The following CWC27 variants were observed in gnomAD, a reference collection of about 807,000 sequenced individuals.
CWC27 encodes the protein spliceosome-associated protein CWC27 homolog.
Under a neutral mutation model 63.6 loss-of-function variants are expected in CWC27, and 47 were observed. The ratio of observed to expected loss-of-function variants is 0.74; its 90% CI spans 0.58 to 0.94. The LOEUF is 0.94. Ranked by LOEUF, CWC27 falls within the 40% of genes least tolerant of loss-of-function variation. CWC27 has a pLI of 0.00. For synonymous variants in CWC27, 175 were observed against 179.8 expected (o/e 0.97, Z 0.22); for missense variants, 495 against 554.3 (o/e 0.89, Z 1.07).
chr5:64,932,736 A>G (rs540955114), intron 11 of CWC27, among the ~76,000 whole-genome samples: 1 of 152,256 alleles, frequency 6.6e-6, no homozygotes, highest in East Asian at 1.9e-4. Flanking sequence ...TTACTCTGTC[A>G]GTATTGCTAT....
chr5:64,916,650 A>G (rs1277801246), intron 11 of CWC27, among the ~76,000 whole-genome samples: 1 of 152,084 alleles, frequency 6.6e-6, no homozygotes, highest in Non-Finnish European at 1.5e-5. Context: ...CCAGAGACAG[A>G]TATTAATTGC....
chr5:64,840,382 AAAAAAAAAAAAAATATAT>A (rs1158436699), intron 10 of CWC27, among the ~76,000 whole-genome samples: 1 of 69,510 alleles, frequency 1.4e-5, no homozygotes, highest in African/African-American at 6.5e-5. Flanking sequence ...AAAAAAAAAA[AAAAAAAAAAAAAATATAT>A]ATATATATAT....
chr5:64,848,216 G>A (rs1746039648), intron 10 of CWC27, among the ~76,000 whole-genome samples: 1 of 152,084 alleles, frequency 6.6e-6, no homozygotes, highest in South Asian at 2.1e-4. Flanking sequence ...AAGATCATAA[G>A]AGACTATTAT....
intron 12 of CWC27, among the ~76,000 whole-genome samples, chr5:64,972,176 G>A (rs866944234): frequency 2.6e-5 from 4 of 152,268 alleles, no homozygotes; most frequent in South Asian, 2.1e-4. Context: ...CTTCCAGCCC[G>A]ACATCTCGCA....
At chr5:64,944,771 T>C (rs1748555364) in intron 11 of CWC27, among the ~76,000 whole-genome samples, 1 of 152,180 alleles carries the variant, frequency 6.6e-6, no homozygotes. Context: ...CGTTTCATAA[T>C]TGATCTCTTT....
chr5:64,787,510 T>G (rs1435046602), intron 6 of CWC27, among the ~76,000 whole-genome samples: 1 of 151,894 alleles, frequency 6.6e-6, no homozygotes, highest in Non-Finnish European at 1.5e-5. Flanking sequence ...CATTATGCAA[T>G]TTAACTTGTA....
chr5:64,906,175 A>T (rs1251527116), intron 11 of CWC27, among the ~76,000 whole-genome samples: 1 of 152,160 alleles, frequency 6.6e-6, no homozygotes, highest in Non-Finnish European at 1.5e-5. Flanking sequence ...CATGATTTAT[A>T]ATCCTATGGG....
At chr5:64,929,662 A>T (rs1047354661) in intron 11 of CWC27, among the ~76,000 whole-genome samples, 1 of 152,192 alleles carries the variant, frequency 6.6e-6, no homozygotes, top group Non-Finnish European at 1.5e-5. Context: ...ATGAGATATT[A>T]TTTCACACCC....
chr5:64,837,593 C>T (rs1745690166), intron 10 of CWC27, among the ~76,000 whole-genome samples: 1 of 151,094 alleles, frequency 6.6e-6, no homozygotes, highest in African/African-American at 2.4e-5. Context: ...TTTTAAATAG[C>T]AAAATGACTT....
At position 64,782,039 on chromosome 5, in the gene CWC27, A is replaced by G; in HGVS notation, c.252+6A>G. The G allele has an allele frequency of 1.5e-6, 2 of 1,303,366 alleles. No individual in the cohort carries two copies. Among genetic ancestry groups the G allele is most frequent in the Non-Finnish European group, 1.1e-6 (1 of 932,168 alleles). The allele number at this position is 1,303,366 out of a possible 1,614,324, so 80.7% of individuals were successfully genotyped here. A position where few individuals can be genotyped will look rare whatever the true frequency, so the allele number is the denominator to read the frequency against. On this transcript the variant is annotated splice_donor_region_variant and intron_variant, in intron 3 of 13. Coordinates refer to ENST00000381070, the MANE Select transcript of CWC27 (RefSeq NM_005869.4). ...TCTATGGAGCGCCATTCAAAGTAAG[A>G]CTGAATTATTATTTTTATTATTATT...
In CWC27 at chr5:64,933,192, A is replaced by C. The variant is rs1748274049; in HGVS notation, c.1043-38511A>C. ...TCCAGTCTGGGTAACACACTCTGAG[A>C]ATTGCTGCTCTAGTTGATCTGTAGG... On this transcript the variant is annotated intron_variant, in intron 11 of 13. Transcript: ENST00000381070. Among the ~76,000 whole-genome samples, 4 of 152,158 alleles carry C rather than the reference A, an allele frequency of 2.6e-5. No individual in the cohort carries two copies. The South Asian group carries it at 8.3e-4, about 32-fold the overall frequency.
intron 4 of CWC27, 96 bp downstream of exon 4, chr5:64,784,075 T>C: frequency 9.1e-7 from 1 of 1,099,012 alleles, no homozygotes; most frequent in Non-Finnish European, 1.2e-6. Context: ...ATCTAAGAGC[T>C]ACCTTTGTAA....
At chr5:64,928,167 A>AT (rs970884713) in intron 11 of CWC27, among the ~76,000 whole-genome samples, 5 of 152,080 alleles carry the variant, frequency 3.3e-5, no homozygotes, top group African/African-American at 1.2e-4. Context: ...AAAAAAAAAA[A>AT]AAAGTCAACA....
chr5:64,931,320 A>T (rs1250078054), intron 11 of CWC27, among the ~76,000 whole-genome samples: 1 of 145,234 alleles, frequency 6.9e-6, no homozygotes, highest in African/African-American at 2.9e-5. Flanking sequence ...ATAATAAAAC[A>T]TGTGGCAAAA....
intron 11 of CWC27, among the ~76,000 whole-genome samples, chr5:64,892,744 TGAG>T (rs148310231): frequency 0.027 from 4,160 of 152,226 alleles, 195 homozygotes; most frequent in African/African-American, 0.095. Context: ...CAAATGCAGT[TGAG>T]ACATGAAAAA....
chr5:64,845,561 C>A (rs1477965045), intron 10 of CWC27, among the ~76,000 whole-genome samples: 2 of 152,026 alleles, frequency 1.3e-5, no homozygotes, highest in Non-Finnish European at 2.9e-5. Flanking sequence ...CATATAAATT[C>A]TAGAGTTGAG....
chr5:64,879,158 G>A (rs1305733231), intron 10 of CWC27, among the ~76,000 whole-genome samples: 1 of 151,986 alleles, frequency 6.6e-6, no homozygotes, highest in Non-Finnish European at 1.5e-5. Flanking sequence ...AGGTGGGCTT[G>A]ACAACCAGCA....
intron 11 of CWC27, among the ~76,000 whole-genome samples, chr5:64,905,519 A>G (rs1747614879): frequency 6.6e-6 from 1 of 152,206 alleles, no homozygotes; most frequent in Non-Finnish European, 1.5e-5. Flanking sequence ...TAAAAGACTG[A>G]ATGAAAAGAA....
rs1749516304 is a variant in CWC27 at position 64,990,297 on chromosome 5, C to A, written c.1256+13059C>A. On this transcript the variant is annotated intron_variant, in intron 13 of 13. Transcript: ENST00000381070. ...TTTTTTTTTTTGAGACGGAGTCTCGCTCTATCACCCAGGCTGGAGTGCAGT... is the reference window on the plus strand; with the variant it reads ...TTTTTTTTTTTGAGACGGAGTCTCGATCTATCACCCAGGCTGGAGTGCAGT... Among the ~76,000 whole-genome samples the A allele has an allele frequency of 5.8e-5, 2 of 34,494 alleles. 1 individual carries two copies. Among genetic ancestry groups the A allele is most frequent in the African/African-American group, 2.5e-4 (2 of 7,898 alleles). The allele number at this position is 34,494 out of a possible 152,430, so 22.6% of individuals were successfully genotyped here. A position where few individuals can be genotyped will look rare whatever the true frequency, so the allele number is the denominator to read the frequency against.
Sources: allele counts gnomAD v4.1 joint callset (sites outside exome capture counted in the v4.1 genomes callset), GRCh38; gene constraint gnomAD v4.1.1; transcripts MANE v1.5; gene names NCBI Gene and HGNC (gene_info 2026-07-23, HGNC 2026-07-21).